The following MBOAT1 variants were observed in gnomAD, a reference collection of about 807,000 sequenced individuals.
MBOAT1 encodes membrane bound glycerophospholipid O-acyltransferase 1.
MBOAT1 carries 67 observed loss-of-function variants against 64.4 expected under a neutral mutation model. That is an observed-to-expected ratio of 1.04 (90% CI 0.85 to 1.27). MBOAT1 has a LOEUF of 1.27. MBOAT1 is among the 50% of genes most tolerant of loss of function. The probability of loss-of-function intolerance (pLI) is 0.00; values close to 1 mark genes in which losing one functional copy is unlikely to be tolerated. For synonymous variants in MBOAT1, 229 were observed against 218.9 expected (o/e 1.05, Z -0.41); for missense variants, 563 against 604.6 (o/e 0.93, Z 0.72).
chr6:20,193,215 C>T (rs942245582), intron 1 of MBOAT1, among the ~76,000 whole-genome samples: 15 of 150,790 alleles, frequency 9.9e-5, no homozygotes, highest in Non-Finnish European at 1.9e-4. Flanking sequence ...ACCGTGTTAG[C>T]CAGGATGGTC....
At chr6:20,209,468 G>A (rs1032527106) in intron 1 of MBOAT1, among the ~76,000 whole-genome samples, 3 of 152,130 alleles carry the variant, frequency 2.0e-5, no homozygotes, top group Non-Finnish European at 2.9e-5. Context: ...TGAATAAAGA[G>A]TTCTTCACAT....
chr6:20,113,089 C>A lies in MBOAT1; in HGVS notation c.1077-81G>T, dbSNP rs556959904. On this transcript the variant is annotated intron_variant, in intron 10 of 12. Transcript: ENST00000324607. The stretch of plus-strand genomic sequence containing the variant: ...ACAGCTGCTGTTTCTTGGATAAGAC[C>A]ATGCAGAAAGCATTTGGTTGTTACT... 7 of 1,509,922 alleles carry A rather than the reference C, an allele frequency of 4.6e-6. No individual in the cohort carries two copies. The East Asian group carries it at 1.4e-4, about 30-fold the overall frequency. The allele number at this position is 1,509,922 out of a possible 1,614,324, so 93.5% of individuals were successfully genotyped here.
chr6:20,151,215 AT>A lies in MBOAT1; in HGVS notation c.292del (p.Met98TrpfsTer16). On this transcript the variant is annotated frameshift_variant, in exon 3 of 13. Coordinates refer to ENST00000324607, the MANE Select transcript of MBOAT1 (RefSeq NM_001080480.3). LOFTEE classifies it high-confidence loss of function. ...FVLVLMCYAI[M>X]VTASVSNIHR... Reference sequence around the variant, plus strand: ...AATATTGGATACACTAGCAGTGACCATGATTGCATAGCACATTAACACCAGC... The same window carrying A: ...AATATTGGATACACTAGCAGTGACCAGATTGCATAGCACATTAACACCAGC... The A allele has an allele frequency of 1.2e-6, 2 of 1,613,550 alleles. No homozygotes were observed. The highest frequency in any genetic ancestry group is 2.7e-5 in the African/African-American group (2 of 75,044).
At chr6:20,135,622 G>A (rs886898398) in intron 4 of MBOAT1, among the ~76,000 whole-genome samples, 5 of 152,158 alleles carry the variant, frequency 3.3e-5, no homozygotes, top group African/African-American at 4.8e-5. Context: ...CCCAGACATC[G>A]GTTATTGGTG....
At chr6:20,132,302 C>T (rs1284403983) in intron 4 of MBOAT1, among the ~76,000 whole-genome samples, 1 of 152,142 alleles carries the variant, frequency 6.6e-6, no homozygotes, top group South Asian at 2.1e-4. Context: ...TACACGGGCT[C>T]CTTCATCTAA....
intron 3 of MBOAT1, among the ~76,000 whole-genome samples, chr6:20,150,198 C>CTGTACTTT (rs1275731952): frequency 3.9e-5 from 6 of 152,300 alleles, no homozygotes; most frequent in African/African-American, 1.4e-4. Context: ...TAAACTACCT[C>CTGTACTTT]TGTACTTTGA....
intron 10 of MBOAT1, 31 bp from the exon 11 acceptor site, chr6:20,113,039 T>G (rs1249846511): frequency 1.2e-6 from 2 of 1,602,804 alleles, no homozygotes; most frequent in Non-Finnish European, 8.5e-7. Flanking sequence ...AAGACACAGG[T>G]GAAACATACC....
chr6:20,115,173 A>G (rs1471153188), intron 10 of MBOAT1, 115 bp downstream of exon 10: 9 of 783,938 alleles, frequency 1.1e-5, no homozygotes, highest in Non-Finnish European at 2.0e-5. Context: ...ATGTTAATAC[A>G]AAACAAGAGT....
At chr6:20,149,080 AAC>A (rs1362252515) in intron 3 of MBOAT1, among the ~76,000 whole-genome samples, 2 of 149,116 alleles carry the variant, frequency 1.3e-5, no homozygotes, top group African/African-American at 5.0e-5. Context: ...CAGCCTGGGC[AAC>A]AGAGTGAGAC....
chr6:20,130,351 G>T (rs1187476053), intron 5 of MBOAT1, among the ~76,000 whole-genome samples: 5 of 151,034 alleles, frequency 3.3e-5, no homozygotes, highest in African/African-American at 1.2e-4. Context: ...TCCCAGCTTT[G>T]TTGTTGTTGT....
intron 1 of MBOAT1, among the ~76,000 whole-genome samples, chr6:20,170,907 AAT>A: frequency 1.3e-5 from 2 of 152,142 alleles, no homozygotes; most frequent in Non-Finnish European, 2.9e-5. Flanking sequence ...TGAATGAATG[AAT>A]GAATGAATGA....
At chr6:20,120,447 T>C (rs1760463753) in intron 8 of MBOAT1, among the ~76,000 whole-genome samples, 1 of 152,028 alleles carries the variant, frequency 6.6e-6, no homozygotes, top group Non-Finnish European at 1.5e-5. Flanking sequence ...AACGTGCGGA[T>C]CACCTGAGGT....
chr6:20,107,856 CAG>C (rs1392647228), intron 12 of MBOAT1, among the ~76,000 whole-genome samples: 1 of 151,120 alleles, frequency 6.6e-6, no homozygotes, highest in African/African-American at 2.4e-5. Flanking sequence ...GTAACAAAAA[CAG>C]AGCTTTAAAG....
At chr6:20,151,975 C>A (rs946212229) in intron 2 of MBOAT1, among the ~76,000 whole-genome samples, 1 of 152,112 alleles carries the variant, frequency 6.6e-6, no homozygotes, top group African/African-American at 2.4e-5. Flanking sequence ...AAAAATTAAA[C>A]CTTACAGCAT....
intron 1 of MBOAT1, among the ~76,000 whole-genome samples, chr6:20,156,802 G>A (rs111792910): frequency 6.6e-6 from 1 of 152,048 alleles, no homozygotes; most frequent in Non-Finnish European, 1.5e-5. Flanking sequence ...CTGAAACTTT[G>A]CTGAAGTTGC....
chr6:20,103,525 G>A (rs1370372365), intron 12 of MBOAT1, among the ~76,000 whole-genome samples: 1 of 151,494 alleles, frequency 6.6e-6, no homozygotes, highest in Non-Finnish European at 1.5e-5. Context: ...TCCAACTCCT[G>A]GGTTCAAACG....
At chr6:20,124,727 G>A in intron 7 of MBOAT1, 127 bp from the exon 8 acceptor site, 1 of 761,858 alleles carries the variant, frequency 1.3e-6, no homozygotes, top group Non-Finnish European at 2.1e-6. Context: ...CAGAAGGAGT[G>A]ACAACAGGCA....
In MBOAT1 at chr6:20,151,265, T is replaced by C; in HGVS notation, c.246-3A>G. On this transcript the variant is annotated splice_polypyrimidine_tract_variant and splice_region_variant and intron_variant, in intron 2 of 12. Transcript: ENST00000324607. ...GCACAAAAAGATGCACAGAGTACCT[T>C]TAAGACATAATAGTAGGGGGAGGAG... 1 of 1,606,436 alleles carries C rather than the reference T, an allele frequency of 6.2e-7. No homozygotes were observed. Among genetic ancestry groups the C allele is most frequent in the Middle Eastern group, 1.7e-4 (1 of 6,054 alleles).
At chr6:20,114,275 T>C (rs572667461) in intron 10 of MBOAT1, among the ~76,000 whole-genome samples, 35 of 152,334 alleles carry the variant, frequency 2.3e-4, no homozygotes, top group African/African-American at 7.7e-4. Context: ...GCTTAATATT[T>C]GTATACTCTC....
Sources: allele counts gnomAD v4.1 joint callset (sites outside exome capture counted in the v4.1 genomes callset), GRCh38; gene constraint gnomAD v4.1.1; transcripts MANE v1.5; gene names NCBI Gene and HGNC (gene_info 2026-07-23, HGNC 2026-07-21).